The following PPP1R12B variants were observed in gnomAD, a reference collection of about 807,000 sequenced individuals.
PPP1R12B encodes the protein myosin phosphatase target subunit 2.
In PPP1R12B, 76 loss-of-function variants were observed where a neutral mutation model predicts 126.1. The ratio of observed to expected loss-of-function variants is 0.60; its 90% CI spans 0.50 to 0.73. The LOEUF is 0.73. Among genes scored for constraint, PPP1R12B ranks in the 30% least tolerant of loss-of-function variants. PPP1R12B has a pLI of 0.00. For missense variants in PPP1R12B, 1,052 were observed against 1,205.1 expected, an observed-to-expected ratio of 0.87 and a Z score of 1.88; for synonymous variants, 356 against 434.7, an observed-to-expected ratio of 0.82 and a Z score of 2.25.
At chr1:202,442,988 T>A in intron 12 of PPP1R12B, 1 of 598,242 alleles carries the variant, frequency 1.7e-6, no homozygotes, top group African/African-American at 2.0e-5. Context: ...GGGTGGGAAA[T>A]GGGGACAGTT....
intron 23 of PPP1R12B, chr1:202,575,168 C>T (rs1688982503): frequency 6.2e-7 from 1 of 1,601,142 alleles, no homozygotes; most frequent in Admixed American, 1.7e-5. Flanking sequence ...TCACTTCCCT[C>T]CTCCACTACT....
At chr1:202,404,708 A>G (rs562602229) in intron 1 of PPP1R12B, among the ~76,000 whole-genome samples, 9 of 151,978 alleles carry the variant, frequency 5.9e-5, no homozygotes, top group Non-Finnish European at 1.2e-4. Context: ...TCACTGTGTT[A>G]GCCAGGATGG....
chr1:202,555,512 AAGTC>A (rs1686834224), intron 18 of PPP1R12B, among the ~76,000 whole-genome samples: 1 of 151,848 alleles, frequency 6.6e-6, no homozygotes, highest in Non-Finnish European at 1.5e-5. Context: ...TTTCAAGAAA[AAGTC>A]AGCAGCAAAA....
In PPP1R12B at chr1:202,409,767, G is replaced by A. The variant is rs1054130840; in HGVS notation, c.292-7020G>A. 8.6e-5 allele frequency among the ~76,000 whole-genome samples: 13 copies of A among 151,934 alleles called. 1 individual carries two copies. The highest frequency in any genetic ancestry group is 1.9e-4 in the East Asian group (1 of 5,184). Reference sequence around the variant, plus strand: ...CAGCCTTGATCACCTGGGCTCAAGCGATCCTCCCTCCTCAGCCTCCCAAAT... The same window carrying A: ...CAGCCTTGATCACCTGGGCTCAAGCAATCCTCCCTCCTCAGCCTCCCAAAT... On this transcript the variant is annotated intron_variant, in intron 1 of 23. Transcript: ENST00000608999.
intron 1 of PPP1R12B, among the ~76,000 whole-genome samples, chr1:202,399,501 CTT>C (rs779738318): frequency 1.4e-5 from 2 of 144,440 alleles, no homozygotes; most frequent in African/African-American, 2.5e-5. Context: ...GCCACCGCAC[CTT>C]TTTTTTTTTT....
rs573782383 is a variant in PPP1R12B, at chr1:202,562,897, A to G, written c.2627A>G (p.Glu876Gly). 5 of 1,593,772 alleles carry G rather than the reference A, an allele frequency of 3.1e-6. No homozygotes were observed. In the East Asian group the frequency reaches 1.1e-4, roughly 36 times the overall value. The stretch of plus-strand genomic sequence containing the variant: ...GCCACCCTGACCAGCCGTGTAGAAG[A>G]AGACAGCAACAGAGATTATAAAAAA... ...RLATLTSRVE[E>G]DSNRDYKKLY... The change falls in exon 20 of 24, where the codon GAA (glutamate) becomes GGA (glycine). Residue 876 changes from glutamate (E) to glycine (G), a missense_variant. Coordinates refer to ENST00000608999, the MANE Select transcript of PPP1R12B (RefSeq NM_002481.4).
rs111305872 is a variant in PPP1R12B, at chr1:202,440,746, G to A, written c.1499G>A (p.Arg500Gln). 1.6e-4 allele frequency: 261 copies of A among 1,613,808 alleles called. No individual in the cohort carries two copies. The African/African-American group carries it at 2.1e-3, about 13-fold the overall frequency. Residue 500 changes from arginine (R) to glutamine (Q), a missense_variant, in exon 11 of 24, where the codon CGG becomes CAG. Transcript: ENST00000608999. ...NKSYISSLAP[R>Q]KLNSTSDIEE... The stretch of plus-strand genomic sequence containing the variant: ...AGCTATATTAGTTCACTAGCACCCC[G>A]GAAGCTCAACAGCACAAGTGATATT...
intron 1 of PPP1R12B, among the ~76,000 whole-genome samples, chr1:202,354,901 C>T (rs1220428063): frequency 6.6e-6 from 1 of 151,136 alleles, no homozygotes; most frequent in East Asian, 2.0e-4. Context: ...TCTCAGCTCA[C>T]TGCAAGCTCT....
chr1:202,415,005 C>T (rs1032538906), intron 1 of PPP1R12B, among the ~76,000 whole-genome samples: 1 of 152,034 alleles, frequency 6.6e-6, no homozygotes, highest in Non-Finnish European at 1.5e-5. Context: ...TCTTGAACTC[C>T]TGGGCTCAAG....
chr1:202,435,824 T>C (rs991475186), intron 9 of PPP1R12B, among the ~76,000 whole-genome samples: 1 of 152,212 alleles, frequency 6.6e-6, no homozygotes, highest in Non-Finnish European at 1.5e-5. Context: ...GGCTACTTAT[T>C]TATCCCTAGA....
At chr1:202,372,367 G>T (rs1392527750) in intron 1 of PPP1R12B, among the ~76,000 whole-genome samples, 1 of 151,978 alleles carries the variant, frequency 6.6e-6, no homozygotes, top group Admixed American at 6.6e-5. Flanking sequence ...AGCCAGGTAT[G>T]GTGGTGCGTG....
In PPP1R12B at chr1:202,483,436, A is replaced by G. The variant is rs368530297; in HGVS notation, c.1851-5097A>G. Among the ~76,000 whole-genome samples, 25 of 152,278 alleles carry G rather than the reference A, an allele frequency of 1.6e-4. No individual in the cohort carries two copies. In the East Asian group the frequency reaches 4.6e-3, roughly 28 times the overall value. ...AGCTTCTAAGAGAAGCCCAAAAAGTATATGTAAAAAGAGAGAAAGACTGAC... is the reference window on the plus strand; with the variant it reads ...AGCTTCTAAGAGAAGCCCAAAAAGTGTATGTAAAAAGAGAGAAAGACTGAC... On this transcript the variant is annotated intron_variant, in intron 13 of 23. Coordinates refer to ENST00000608999, the MANE Select transcript of PPP1R12B (RefSeq NM_002481.4).
intron 1 of PPP1R12B, among the ~76,000 whole-genome samples, chr1:202,405,517 A>G (rs1666481256): frequency 6.6e-6 from 1 of 152,210 alleles, no homozygotes; most frequent in Non-Finnish European, 1.5e-5. Context: ...GGGTAATATA[A>G]TAATAGCAGC....
intron 13 of PPP1R12B, among the ~76,000 whole-genome samples, chr1:202,450,575 T>C (rs1376412236): frequency 6.6e-6 from 1 of 152,242 alleles, no homozygotes; most frequent in Non-Finnish European, 1.5e-5. Flanking sequence ...TTATTTTGAA[T>C]ATCCAAAGGA....
In PPP1R12B at chr1:202,495,464, A is replaced by G. The variant is rs1396558700; in HGVS notation, c.2317A>G (p.Lys773Glu). 2 of 1,607,244 alleles carry G rather than the reference A, an allele frequency of 1.2e-6. No homozygotes were observed. Among genetic ancestry groups the G allele is most frequent in the East Asian group, 2.2e-5 (1 of 44,854 alleles). ...SETTTNTTTA[K>E]EMDKNENEEA... ...GACTACCACAAACACTACAACTGCA[A>G]AGGAAATGGACAAAAATGGTATGTA... Residue 773 changes from lysine to glutamate, a missense_variant, in exon 16 of 24, where the codon AAG (lysine) becomes GAG (glutamate). Transcript: ENST00000608999.
At chr1:202,524,784 G>C (rs1000076988) in intron 18 of PPP1R12B, among the ~76,000 whole-genome samples, 2 of 152,270 alleles carry the variant, frequency 1.3e-5, no homozygotes, top group South Asian at 2.1e-4. Flanking sequence ...ATGGGCATTT[G>C]GGCTGGTTCC....
intron 1 of PPP1R12B, among the ~76,000 whole-genome samples, chr1:202,351,284 G>C (rs1334796920): frequency 1.7e-5 from 2 of 116,930 alleles, no homozygotes; most frequent in African/African-American, 6.4e-5. Flanking sequence ...TCCCAGGCTG[G>C]AGTACAGTGG....
At chr1:202,453,330 C>G (rs1673237662) in intron 13 of PPP1R12B, among the ~76,000 whole-genome samples, 4 of 152,278 alleles carry the variant, frequency 2.6e-5, no homozygotes, top group South Asian at 4.1e-4. Flanking sequence ...TGGGATAAAT[C>G]CCACTTGGTC....
intron 21 of PPP1R12B, chr1:202,567,540 C>T: frequency 6.1e-6 from 3 of 493,064 alleles, no homozygotes; most frequent in South Asian, 6.9e-5. Flanking sequence ...TTTGTAATTT[C>T]AGGGAATACT....
Sources: allele counts gnomAD v4.1 joint callset (sites outside exome capture counted in the v4.1 genomes callset), GRCh38; gene constraint gnomAD v4.1.1; transcripts MANE v1.5; gene names NCBI Gene and HGNC (gene_info 2026-07-23, HGNC 2026-07-21).